CSMD1: variants seen among roughly 807,000 people sequenced by gnomAD.
The protein encoded by CSMD1 is CUB and sushi domain-containing protein 1.
In CSMD1, 213 loss-of-function variants were observed where a neutral mutation model predicts 417.5. That is an observed-to-expected ratio of 0.51 (90% CI 0.46 to 0.57). The LOEUF is 0.57. Among genes scored for constraint, CSMD1 ranks in the 20% least tolerant of loss-of-function variants. The pLI, the probability that CSMD1 is intolerant of heterozygous loss-of-function variation, is 0.00. For synonymous variants in CSMD1, 2,862 were observed against 1,736.8 expected (o/e 1.65, Z -16.11); for missense variants, 6,923 against 4,529.7 (o/e 1.53, Z -15.17).
intron 4 of CSMD1, among the ~76,000 whole-genome samples, chr8:4,006,330 G>A (rs1251011719): frequency 6.6e-6 from 1 of 152,196 alleles, no homozygotes; most frequent in East Asian, 1.9e-4. Context: ...GATCACCTGA[G>A]GTCAGCAGTT....
At chr8:3,301,473 A>G (rs915150052) in intron 25 of CSMD1, among the ~76,000 whole-genome samples, 21 of 152,192 alleles carry the variant, frequency 1.4e-4, no homozygotes, top group African/African-American at 5.1e-4. Context: ...ATGAAGAGAA[A>G]TGATGAGATC....
chr8:4,579,572 C>G (rs1232868961), intron 2 of CSMD1, among the ~76,000 whole-genome samples: 1 of 152,052 alleles, frequency 6.6e-6, no homozygotes, highest in East Asian at 1.9e-4. Context: ...GCATGTTAGC[C>G]AGGCTGGTCT....
rs150247043 is a variant in CSMD1, at chr8:3,998,062, G to T, written c.659C>A (p.Ser220Tyr). 2.5e-6 allele frequency: 4 copies of T among 1,595,158 alleles called. No homozygotes were observed. The South Asian group carries it at 3.4e-5, about 14-fold the overall frequency. The change falls in exon 5 of 70, where the codon TCC becomes TAC. Residue 220 changes from serine to tyrosine, a missense_variant. By Grantham distance (144) the Ser-to-Tyr change is moderately radical. Transcript: ENST00000635120. ...GTLRGTSSSI[S>Y]SPHFPSEYEN... ...GTACTCTGAAGGGAAGTGCGGGCTG[G>T]AGATGGAGCTGCTGGTCCCGCGTAA...
chr8:4,149,632 C>T (rs1796461054), intron 3 of CSMD1, among the ~76,000 whole-genome samples: 2 of 152,154 alleles, frequency 1.3e-5, no homozygotes, highest in Admixed American at 1.3e-4. Context: ...GTAGAATCAT[C>T]CTAGCTCAAC....
chr8:3,477,138 C>A (rs944957291), intron 11 of CSMD1, among the ~76,000 whole-genome samples: 1 of 152,086 alleles, frequency 6.6e-6, no homozygotes, highest in African/African-American at 2.4e-5. Context: ...TTGTTCAGAC[C>A]TGAAGAAAAA....
intron 3 of CSMD1, among the ~76,000 whole-genome samples, chr8:4,322,731 G>C (rs192882153): frequency 8.1e-4 from 124 of 152,300 alleles, no homozygotes; most frequent in African/African-American, 2.8e-3. Context: ...CACGGGGCTC[G>C]TGCCTGTAAT....
intron 2 of CSMD1, among the ~76,000 whole-genome samples, chr8:4,520,710 C>T (rs1006678211): frequency 6.6e-6 from 1 of 152,054 alleles, no homozygotes; most frequent in African/African-American, 2.4e-5. Context: ...AAGTCAGAAT[C>T]CTGAACTTTT....
chr8:4,012,850 G>T (rs1329375430), intron 4 of CSMD1, among the ~76,000 whole-genome samples: 1 of 152,096 alleles, frequency 6.6e-6, no homozygotes, highest in African/African-American at 2.4e-5. Context: ...GACACACGGT[G>T]CCATCCATGA....
intron 7 of CSMD1, among the ~76,000 whole-genome samples, chr8:3,676,787 A>C (rs1799397584): frequency 6.6e-6 from 1 of 152,222 alleles, no homozygotes; most frequent in African/African-American, 2.4e-5. Flanking sequence ...CATCAATGAT[A>C]GACTGGATAA....
intron 3 of CSMD1, among the ~76,000 whole-genome samples, chr8:4,299,345 T>C (rs1797857504): frequency 6.6e-6 from 1 of 152,124 alleles, no homozygotes; most frequent in African/African-American, 2.4e-5. Context: ...AAGAGGGGGT[T>C]TTTACTTGAC....
At chr8:4,333,378 G>A (rs1799985518) in intron 3 of CSMD1, among the ~76,000 whole-genome samples, 1 of 152,124 alleles carries the variant, frequency 6.6e-6, no homozygotes, top group African/African-American at 2.4e-5. Flanking sequence ...AGGCTCCAGG[G>A]ACGGCTGACA....
At chr8:4,800,087 T>G (rs755177772) in intron 1 of CSMD1, among the ~76,000 whole-genome samples, 3 of 152,212 alleles carry the variant, frequency 2.0e-5, no homozygotes, top group Non-Finnish European at 4.4e-5. Flanking sequence ...GAATATCCTG[T>G]GTATTTTTTA....
At chr8:3,095,824 G>T (rs1487118907) in intron 47 of CSMD1, among the ~76,000 whole-genome samples, 2 of 152,044 alleles carry the variant, frequency 1.3e-5, no homozygotes, top group Non-Finnish European at 2.9e-5. Context: ...TCAAATTGAC[G>T]ATTCAACCAC....
At chr8:4,414,821 G>T (rs759639304) in intron 3 of CSMD1, among the ~76,000 whole-genome samples, 3 of 152,266 alleles carry the variant, frequency 2.0e-5, no homozygotes, top group East Asian at 1.9e-4. Flanking sequence ...CTTAGAGTTA[G>T]TTATTGCCCT....
intron 3 of CSMD1, among the ~76,000 whole-genome samples, chr8:4,318,366 T>G (rs186818422): frequency 4.6e-5 from 7 of 152,266 alleles, no homozygotes; most frequent in Admixed American, 2.0e-4. Flanking sequence ...TGCACACATG[T>G]GCACACTCTC....
At chr8:4,398,157 A>T (rs984163681) in intron 3 of CSMD1, among the ~76,000 whole-genome samples, 3 of 152,144 alleles carry the variant, frequency 2.0e-5, no homozygotes, top group Non-Finnish European at 4.4e-5. Context: ...TGGTTCTACA[A>T]TGACAAGTTT....
intron 10 of CSMD1, among the ~76,000 whole-genome samples, chr8:3,552,212 T>C (rs1433208622): frequency 6.6e-6 from 1 of 152,138 alleles, no homozygotes; most frequent in African/African-American, 2.4e-5. Context: ...GACAACATTC[T>C]GATTTAGAAA....
At chr8:3,624,543 T>G (rs1043385598) in intron 7 of CSMD1, among the ~76,000 whole-genome samples, 2 of 152,236 alleles carry the variant, frequency 1.3e-5, no homozygotes, top group African/African-American at 4.8e-5. Flanking sequence ...TGTATTTCAG[T>G]TGGATCAGTT....
intron 1 of CSMD1, among the ~76,000 whole-genome samples, chr8:4,739,626 T>C (rs1011743849): frequency 4.6e-5 from 7 of 152,174 alleles, no homozygotes; most frequent in Admixed American, 2.0e-4. Flanking sequence ...TCAGTGGTTA[T>C]CATGGCATTA....
Sources: allele counts gnomAD v4.1 joint callset (sites outside exome capture counted in the v4.1 genomes callset), GRCh38; gene constraint gnomAD v4.1.1; transcripts MANE v1.5; gene names NCBI Gene and HGNC (gene_info 2026-07-23, HGNC 2026-07-21).